Variants in PDE4B observed in about 807,000 individuals in gnomAD.
PDE4B encodes the protein phosphodiesterase 4B.
PDE4B carries 20 observed loss-of-function variants against 82.2 expected under a neutral mutation model. The ratio of observed to expected loss-of-function variants is 0.24; its 90% confidence interval spans 0.17 to 0.35. The LOEUF is 0.35. Ranked by LOEUF, PDE4B falls within the 10% of genes least tolerant of loss-of-function variation. The pLI is 1.00. For missense variants in PDE4B, 655 were observed against 907.2 expected, an observed-to-expected ratio of 0.72 and a Z score of 3.57; for synonymous variants, 320 against 318.9, an observed-to-expected ratio of 1.00 and a Z score of -0.04.
intron 7 of PDE4B, among the ~76,000 whole-genome samples, chr1:66,325,418 T>C (rs183105660): frequency 6.6e-6 from 1 of 152,322 alleles, no homozygotes; most frequent in East Asian, 1.9e-4. Context: ...TTCATTGCTG[T>C]AATCCAGCAC....
At chr1:66,347,794 G>C (rs1456295932) in intron 8 of PDE4B, among the ~76,000 whole-genome samples, 1 of 152,160 alleles carries the variant, frequency 6.6e-6, no homozygotes, top group Admixed American at 6.5e-5. Context: ...AACAAGCTAT[G>C]ATAGATTTTT....
At chr1:65,897,589 G>T (rs781265972) in intron 1 of PDE4B, among the ~76,000 whole-genome samples, 38 of 151,958 alleles carry the variant, frequency 2.5e-4, no homozygotes, top group Non-Finnish European at 5.3e-4. Flanking sequence ...TGTGTATTTG[G>T]TTTTCTATTC....
intron 3 of PDE4B, among the ~76,000 whole-genome samples, chr1:65,971,855 A>G (rs1039164709): frequency 6.6e-6 from 1 of 152,208 alleles, no homozygotes; most frequent in Non-Finnish European, 1.5e-5. Flanking sequence ...CTATAACAAT[A>G]TATCATTTGA....
chr1:66,121,061 T>A (rs1645699297), intron 3 of PDE4B, among the ~76,000 whole-genome samples: 1 of 152,078 alleles, frequency 6.6e-6, no homozygotes, highest in African/African-American at 2.4e-5. Flanking sequence ...TAAAAACCAA[T>A]CTTTTGGTAC....
intron 3 of PDE4B, among the ~76,000 whole-genome samples, chr1:66,154,648 G>T (rs1645473213): frequency 6.6e-6 from 1 of 152,140 alleles, no homozygotes; most frequent in South Asian, 2.1e-4. Flanking sequence ...GAAGCATTTT[G>T]TCAAGTGGAA....
intron 3 of PDE4B, among the ~76,000 whole-genome samples, chr1:66,168,185 T>C (rs1473047358): frequency 6.6e-6 from 1 of 152,220 alleles, no homozygotes; most frequent in Non-Finnish European, 1.5e-5. Context: ...TTTCAACAAA[T>C]ATTTATTGAG....
chr1:66,284,441 A>G (rs1440619416), intron 7 of PDE4B, among the ~76,000 whole-genome samples: 1 of 152,176 alleles, frequency 6.6e-6, no homozygotes, highest in Non-Finnish European at 1.5e-5. Context: ...TAAAGAATAG[A>G]TAGTATTTCA....
intron 3 of PDE4B, among the ~76,000 whole-genome samples, chr1:66,197,493 T>G (rs1648429743): frequency 6.6e-6 from 1 of 152,126 alleles, no homozygotes; most frequent in Non-Finnish European, 1.5e-5. Flanking sequence ...TATACGTATT[T>G]AAAACGGAAT....
At position 66,006,122 on chromosome 1, in the gene PDE4B, G is replaced by A. The variant is rs141999466; in HGVS notation, c.281+87287G>A. Among the ~76,000 whole-genome samples, 123 of 152,234 alleles carry A rather than the reference G, an allele frequency of 8.1e-4. 1 individual carries two copies. The highest frequency in any genetic ancestry group is 2.6e-3 in the African/African-American group (110 of 41,560). ...GCTTTAAAATACATTAATGAATTTTGTATTTTATATGAACCCTAAAAATGC... is the reference window on the plus strand; with the variant it reads ...GCTTTAAAATACATTAATGAATTTTATATTTTATATGAACCCTAAAAATGC... On this transcript the variant is annotated intron_variant, in intron 3 of 16. Coordinates refer to ENST00000341517, the MANE Select transcript of PDE4B (RefSeq NM_002600.4).
intron 7 of PDE4B, among the ~76,000 whole-genome samples, chr1:66,274,948 CT>C (rs1196356291): frequency 2.6e-5 from 4 of 151,556 alleles, no homozygotes; most frequent in South Asian, 4.2e-4. Flanking sequence ...AAGTTTAAGA[CT>C]TTTTTTTTCC....
At chr1:65,960,914 A>G (rs1029659525) in intron 3 of PDE4B, among the ~76,000 whole-genome samples, 2 of 152,162 alleles carry the variant, frequency 1.3e-5, no homozygotes, top group Non-Finnish European at 2.9e-5. Context: ...CATGGCATAT[A>G]CTTTTGCATG....
intron 3 of PDE4B, among the ~76,000 whole-genome samples, chr1:66,023,402 G>A (rs367794224): frequency 6.6e-6 from 1 of 152,184 alleles, no homozygotes; most frequent in Non-Finnish European, 1.5e-5. Context: ...CCAGGGGAAA[G>A]AGCATTTTTT....
chr1:65,976,564 T>C (rs1650417530), intron 3 of PDE4B, among the ~76,000 whole-genome samples: 1 of 152,282 alleles, frequency 6.6e-6, no homozygotes, highest in Non-Finnish European at 1.5e-5. Context: ...GATGGAATGA[T>C]ATGGTTTGGG....
chr1:66,138,863 C>T (rs1372143290), intron 3 of PDE4B, among the ~76,000 whole-genome samples: 3 of 152,154 alleles, frequency 2.0e-5, no homozygotes, highest in African/African-American at 7.2e-5. Flanking sequence ...CCTTTCCAGC[C>T]ACTGGGATAG....
intron 3 of PDE4B, among the ~76,000 whole-genome samples, chr1:65,923,045 T>C (rs11803855): frequency 0.024 from 3,694 of 152,028 alleles, 167 homozygotes; most frequent in African/African-American, 0.085. Context: ...TTTCCTGCTC[T>C]TGTAAACTGA....
At chr1:66,316,434 T>G (rs1453714342) in intron 7 of PDE4B, among the ~76,000 whole-genome samples, 6 of 152,248 alleles carry the variant, frequency 3.9e-5, no homozygotes, top group Admixed American at 3.9e-4. Flanking sequence ...TAGGCATCTA[T>G]AATCTAGATT....
At chr1:65,815,810 G>C (rs1333885805) in intron 1 of PDE4B, among the ~76,000 whole-genome samples, 1 of 152,120 alleles carries the variant, frequency 6.6e-6, no homozygotes, top group Admixed American at 6.5e-5. Context: ...ATTGGACAAA[G>C]TATATAAAAG....
chr1:66,231,121 G>A (rs1017580186), intron 3 of PDE4B, among the ~76,000 whole-genome samples: 1 of 151,962 alleles, frequency 6.6e-6, no homozygotes, highest in Non-Finnish European at 1.5e-5. Context: ...GAGTAGAATG[G>A]TCATGATTCA....
chr1:65,932,317 A>G (rs1372101485), intron 3 of PDE4B, among the ~76,000 whole-genome samples: 2 of 152,008 alleles, frequency 1.3e-5, no homozygotes, highest in Non-Finnish European at 2.9e-5. Context: ...AAATGATTCA[A>G]CTTTTCTGGG....
Sources: allele counts gnomAD v4.1 joint callset (sites outside exome capture counted in the v4.1 genomes callset), GRCh38; gene constraint gnomAD v4.1.1; transcripts MANE v1.5; gene names NCBI Gene and HGNC (gene_info 2026-07-23, HGNC 2026-07-21).